RAPGEF6: variants seen among roughly 807,000 people sequenced by gnomAD.
RAPGEF6 encodes Rap guanine nucleotide exchange factor 6.
In RAPGEF6, 56 loss-of-function variants were observed where a neutral mutation model predicts 171.4. That is an observed-to-expected ratio of 0.33 (90% CI 0.26 to 0.41). RAPGEF6 has a LOEUF of 0.41. Ranked by LOEUF, RAPGEF6 falls within the 10% of genes least tolerant of loss-of-function variation. The pLI, the probability that RAPGEF6 is intolerant of heterozygous loss-of-function variation, is 1.00. For missense variants in RAPGEF6, 1,674 were observed against 1,921.4 expected, an observed-to-expected ratio of 0.87 and a Z score of 2.41; for synonymous variants, 692 against 650.1, an observed-to-expected ratio of 1.06 and a Z score of -0.98.
At chr5:131,604,414 CA>C (rs1764426286) in intron 2 of RAPGEF6, among the ~76,000 whole-genome samples, 1 of 152,086 alleles carries the variant, frequency 6.6e-6, no homozygotes, top group Non-Finnish European at 1.5e-5. Flanking sequence ...ATAAGAAAAA[CA>C]AATTCAGTTT....
At position 131,431,065 on chromosome 5, in the gene RAPGEF6, G is replaced by A. The variant is rs777463337; in HGVS notation, c.4259C>T (p.Thr1420Ile). Residue 1420 changes from threonine (T) to isoleucine (I), a missense_variant, in exon 26 of 28, where the codon ACT becomes ATT. Physicochemically the swap from Thr to Ile is moderately conservative, Grantham distance 89. Transcript: ENST00000509018. Reference sequence around the variant, plus strand: ...TAGGCTTCCTTTACACTGCCCACAAGTTCTAGAGCAGCTTTTAGAACAGGA... The same window carrying A: ...TAGGCTTCCTTTACACTGCCCACAAATTCTAGAGCAGCTTTTAGAACAGGA... ...PYSCSKSCSR[T>I]CGQCKGSLER... 6.2e-7 allele frequency: 1 copy of A among 1,614,206 alleles called. No individual in the cohort carries two copies. The highest frequency in any genetic ancestry group is 1.1e-5 in the South Asian group (1 of 91,090).
intron 5 of RAPGEF6, among the ~76,000 whole-genome samples, chr5:131,552,009 A>T (rs1346096587): frequency 1.3e-5 from 2 of 152,146 alleles, no homozygotes; most frequent in Admixed American, 6.5e-5. Flanking sequence ...ATGATGTGAA[A>T]GCAAGAATAC....
chr5:131,533,637 T>C (rs959292447), intron 6 of RAPGEF6, among the ~76,000 whole-genome samples: 12 of 152,060 alleles, frequency 7.9e-5, no homozygotes, highest in East Asian at 1.9e-4. Flanking sequence ...ATGGAAACAA[T>C]AGAATTTCAT....
chr5:131,479,593 ATTTGC>A lies in RAPGEF6; in HGVS notation c.1996_2000del (p.Ala666TyrfsTer15). Reference sequence around the variant, plus strand: ...TTTTGTTTCTTCCACCTGAAACAGTATTTGCTTTAACTTTCTTACTTCCTTTCTCC... The same window carrying A: ...TTTTGTTTCTTCCACCTGAAACAGTATTTAACTTTCTTACTTCCTTTCTCC... On this transcript the variant is annotated frameshift_variant, in exon 16 of 28. Coordinates refer to ENST00000509018, the MANE Select transcript of RAPGEF6 (RefSeq NM_016340.6). LOFTEE classifies it high-confidence loss of function. 6.2e-7 allele frequency: 1 copy of A among 1,613,930 alleles called. No individual in the cohort carries two copies. Among genetic ancestry groups the A allele is most frequent in the Admixed American group, 1.7e-5 (1 of 60,010 alleles).
intron 6 of RAPGEF6, among the ~76,000 whole-genome samples, chr5:131,528,328 TATATATATATACACACAC>T (rs1561538419): frequency 9.3e-6 from 1 of 107,028 alleles, no homozygotes; most frequent in African/African-American, 4.7e-5. Flanking sequence ...TATATATATA[TATATATATATACACACAC>T]ACACACATAT....
At chr5:131,477,183 C>T (rs1185512423) in intron 16 of RAPGEF6, among the ~76,000 whole-genome samples, 1 of 152,120 alleles carries the variant, frequency 6.6e-6, no homozygotes, top group African/African-American at 2.4e-5. Flanking sequence ...AAGATACATT[C>T]TCCGAAATGC....
intron 3 of RAPGEF6, among the ~76,000 whole-genome samples, chr5:131,597,332 A>C (rs1347908629): frequency 6.6e-6 from 1 of 152,030 alleles, no homozygotes; most frequent in African/African-American, 2.4e-5. Context: ...AAAAAATGGA[A>C]CTTCTAGGTA....
chr5:131,498,081 A>G (rs1257301504), intron 12 of RAPGEF6, among the ~76,000 whole-genome samples: 3 of 152,226 alleles, frequency 2.0e-5, no homozygotes, highest in Non-Finnish European at 4.4e-5. Context: ...AAAAAAATGT[A>G]TTTGATGAAT....
At chr5:131,430,338 G>A (rs1415939797) in intron 26 of RAPGEF6, among the ~76,000 whole-genome samples, 1 of 151,844 alleles carries the variant, frequency 6.6e-6, no homozygotes, top group Non-Finnish European at 1.5e-5. Context: ...AGTTTACTAA[G>A]AAAGCTTGGA....
intron 5 of RAPGEF6, among the ~76,000 whole-genome samples, chr5:131,558,585 C>T (rs1361006620): frequency 6.6e-6 from 1 of 152,130 alleles, no homozygotes; most frequent in Non-Finnish European, 1.5e-5. Flanking sequence ...AGCCTTTGCT[C>T]TTATAGCACT....
intron 4 of RAPGEF6, among the ~76,000 whole-genome samples, chr5:131,587,692 C>T (rs771499862): frequency 1.3e-5 from 2 of 152,182 alleles, no homozygotes; most frequent in Non-Finnish European, 2.9e-5. Context: ...CTGACCTTCT[C>T]TTGCCCCTCT....
chr5:131,429,972 C>T (rs1751598513), intron 26 of RAPGEF6, among the ~76,000 whole-genome samples: 1 of 151,468 alleles, frequency 6.6e-6, no homozygotes, highest in Non-Finnish European at 1.5e-5. Context: ...ATTGCTTGAA[C>T]CTGGCAGGCG....
chr5:131,498,672 G>C, intron 11 of RAPGEF6, 65 bp from the exon 12 acceptor site: 2 of 1,435,230 alleles, frequency 1.4e-6, no homozygotes, highest in Non-Finnish European at 9.7e-7. Flanking sequence ...AAGAACTATT[G>C]TTGATTACTC....
chr5:131,532,639 A>C (rs1394870086), intron 6 of RAPGEF6, among the ~76,000 whole-genome samples: 1 of 152,154 alleles, frequency 6.6e-6, no homozygotes, highest in Non-Finnish European at 1.5e-5. Flanking sequence ...CCTGAAGATT[A>C]AAGTTTCTTC....
chr5:131,500,524 G>A (rs997121964), intron 11 of RAPGEF6, among the ~76,000 whole-genome samples: 1 of 152,084 alleles, frequency 6.6e-6, no homozygotes, highest in African/African-American at 2.4e-5. Flanking sequence ...TTAAAGATGA[G>A]CCCTTACCTC....
chr5:131,616,297 G>A (rs1765260258), intron 1 of RAPGEF6, among the ~76,000 whole-genome samples: 1 of 152,164 alleles, frequency 6.6e-6, no homozygotes, highest in Admixed American at 6.5e-5. Flanking sequence ...TTCATTGCAG[G>A]TATATTCTGT....
chr5:131,453,169 A>G lies in RAPGEF6; in HGVS notation c.3085T>C (p.Ser1029Pro). 1 of 1,606,364 alleles carries G rather than the reference A, an allele frequency of 6.2e-7. No individual in the cohort carries two copies. The highest frequency in any genetic ancestry group is 8.5e-7 in the Non-Finnish European group (1 of 1,175,732). ...DMTFLHEGNDSKVDGLVNFEK... is the reference protein window; with the variant it reads ...DMTFLHEGNDPKVDGLVNFEK... ...AAGTTTACTAAACCATCTACTTTGG[A>G]GTCATTTCCTATAGAATGAAAATAA... Residue 1029 changes from serine (S) to proline (P), a missense_variant, in exon 21 of 28, where the codon TCC becomes CCC. This residue lies in a region of RAPGEF6 where 1,116 missense variants were observed against 1,321.5 expected (regional missense o/e 0.84). Coordinates refer to ENST00000509018, the MANE Select transcript of RAPGEF6 (RefSeq NM_016340.6).
chr5:131,525,959 CAG>C, intron 6 of RAPGEF6, among the ~76,000 whole-genome samples: 1 of 152,268 alleles, frequency 6.6e-6, no homozygotes, highest in Non-Finnish European at 1.5e-5. Flanking sequence ...GATGAGGAAA[CAG>C]AGGAAGTACG....
At chr5:131,446,452 T>C (rs1185859232) in intron 22 of RAPGEF6, 31 bp downstream of exon 22, 5 of 1,569,682 alleles carry the variant, frequency 3.2e-6, no homozygotes, top group African/African-American at 1.4e-5. Context: ...TTGTGCTCTT[T>C]AGCGTCACAT....
Sources: allele counts gnomAD v4.1 joint callset (sites outside exome capture counted in the v4.1 genomes callset), GRCh38; gene constraint gnomAD v4.1.1; regional missense constraint gnomAD v4.1.1; transcripts MANE v1.5; gene names NCBI Gene and HGNC (gene_info 2026-07-23, HGNC 2026-07-21).